Variants in PGS1 observed in about 807,000 individuals in gnomAD.
PGS1 encodes CDP-diacylglycerol--glycerol-3-phosphate 3-phosphatidyltransferase, mitochondrial.
Under a neutral mutation model 58.3 loss-of-function variants are expected in PGS1, and 44 were observed. The ratio of observed to expected loss-of-function variants is 0.75; its 90% CI spans 0.59 to 0.97. The LOEUF is 0.97. Among genes scored for constraint, PGS1 ranks in the 50% least tolerant of loss-of-function variants. The pLI, the probability that PGS1 is intolerant of heterozygous loss-of-function variation, is 0.00. For missense variants in PGS1, 684 were observed against 731.1 expected (o/e 0.94, Z 0.74); for synonymous variants, 330 against 311.0 (o/e 1.06, Z -0.64).
At chr17:78,422,898 C>G (rs2086013877) in intron 9 of PGS1, among the ~76,000 whole-genome samples, 1 of 152,080 alleles carries the variant, frequency 6.6e-6, no homozygotes, top group Non-Finnish European at 1.5e-5. Flanking sequence ...AAGTTTGAGA[C>G]CAGCCTGGCC....
chr17:78,423,936 C>T (rs566746938), intron 9 of PGS1, 125 bp from the exon 10 acceptor site: 4 of 1,613,994 alleles, frequency 2.5e-6, no homozygotes, highest in South Asian at 2.2e-5. Flanking sequence ...CCACGGCTGC[C>T]AGGATCCACT....
chr17:78,383,466 T>C (rs774989270), intron 1 of PGS1, among the ~76,000 whole-genome samples: 3 of 152,156 alleles, frequency 2.0e-5, no homozygotes, highest in Non-Finnish European at 4.4e-5. Context: ...CCTCAGGTGG[T>C]CCGCCCACCT....
chr17:78,422,659 G>A (rs72903315), intron 9 of PGS1, among the ~76,000 whole-genome samples: 23,546 of 151,966 alleles, frequency 0.15, 1,945 homozygotes, highest in Middle Eastern at 0.19. Context: ...AACATTCCCA[G>A]CTAATTTTTT....
chr17:78,413,956 A>G (rs548663007), intron 7 of PGS1, among the ~76,000 whole-genome samples: 5 of 152,280 alleles, frequency 3.3e-5, no homozygotes, highest in South Asian at 4.1e-4. Flanking sequence ...TTTTTCTCCA[A>G]CTGTGATACT....
intron 6 of PGS1, among the ~76,000 whole-genome samples, chr17:78,402,739 C>T (rs552429407): frequency 9.8e-5 from 15 of 152,334 alleles, no homozygotes; most frequent in Non-Finnish European, 2.2e-4. Context: ...AGGCGTGAGC[C>T]ACTGTGCCCG....
In PGS1 at chr17:78,392,542, C is replaced by CT. The variant is rs1438539170; in HGVS notation, c.211dup (p.Cys71LeufsTer28). The CT allele has an allele frequency of 1.2e-6, 2 of 1,614,162 alleles. No homozygotes were observed. Among genetic ancestry groups the CT allele is most frequent in the Admixed American group, 3.3e-5 (2 of 60,024 alleles). ...TTCCCCAGGTCACCTCCCCACCTTG[C>CT]TGCCTGTGTCCAGAAGGCGTGCACC... On this transcript the variant is annotated frameshift_variant, in exon 2 of 10. Transcript: ENST00000262764. LOFTEE classifies it high-confidence loss of function.
chr17:78,392,415 G>A (rs1346173303), intron 1 of PGS1, 61 bp from the exon 2 acceptor site: 7 of 1,242,128 alleles, frequency 5.6e-6, no homozygotes, highest in South Asian at 1.5e-5. Flanking sequence ...ACTGAGGGGG[G>A]CTTCTGCAGA....
intron 1 of PGS1, among the ~76,000 whole-genome samples, chr17:78,384,679 G>C (rs982849452): frequency 3.9e-5 from 6 of 152,134 alleles, no homozygotes; most frequent in African/African-American, 1.2e-4. Context: ...TATGGAGAGC[G>C]CAACTTCTGC....
chr17:78,393,643 G>A (rs2082999886), intron 2 of PGS1, among the ~76,000 whole-genome samples: 1 of 152,188 alleles, frequency 6.6e-6, no homozygotes, highest in South Asian at 2.1e-4. Flanking sequence ...AAGTAACTGG[G>A]AATCTAGACA....
At chr17:78,409,161 A>C (rs2084412079) in intron 7 of PGS1, among the ~76,000 whole-genome samples, 1 of 152,232 alleles carries the variant, frequency 6.6e-6, no homozygotes, top group African/African-American at 2.4e-5. Context: ...TCCCATTATC[A>C]CATTCAGGCA....
intron 9 of PGS1, among the ~76,000 whole-genome samples, chr17:78,423,093 T>C (rs917111258): frequency 7.4e-5 from 8 of 108,250 alleles, no homozygotes; most frequent in African/African-American, 2.5e-4. Context: ...AGTGAAACTC[T>C]CACTCTCCCT....
In PGS1 at chr17:78,399,892, C is replaced by T. The variant is rs1419289025; in HGVS notation, c.701+355C>T. On this transcript the variant is annotated intron_variant, in intron 5 of 9. Transcript: ENST00000262764. ...AGGTAGACAGAGCCAGAAAAATAAA[C>T]AAGAGTCAGACCTGGAAGTCCAGGT... 2.0e-5 allele frequency: 6 copies of T among 300,572 alleles called. No homozygotes were observed. The Admixed American group carries it at 2.7e-4, about 14-fold the overall frequency. The allele number at this position is 300,572 out of a possible 1,614,324, so 18.6% of individuals were successfully genotyped here.
rs1055541386 is a variant in PGS1 at position 78,378,767 on chromosome 17, G to T, written c.102G>T (p.Leu34=). ...RPGLAALLGR[L]SDRLGRNRDR... The stretch of plus-strand genomic sequence containing the variant: ...GGCTGGCCGCGCTCCTGGGACGCCT[G>T]TCCGACCGCCTCGGCAGGAACCGGG... The change falls in exon 1 of 10, where the codon CTG becomes CTT. Residue 34 remains leucine (L), a synonymous_variant. Coordinates refer to ENST00000262764, the MANE Select transcript of PGS1 (RefSeq NM_024419.5). 18 of 1,494,128 alleles carry T rather than the reference G, an allele frequency of 1.2e-5. No homozygotes were observed. The East Asian group carries it at 5.1e-4, about 43-fold the overall frequency. The allele number at this position is 1,494,128 out of a possible 1,614,324, so 92.6% of individuals were successfully genotyped here.
At chr17:78,387,362 C>T (rs1470069506) in intron 1 of PGS1, among the ~76,000 whole-genome samples, 6 of 146,156 alleles carry the variant, frequency 4.1e-5, no homozygotes, top group South Asian at 4.3e-4. Context: ...CACAGTGGCG[C>T]GATCTGGGCT....
At chr17:78,413,182 C>A (rs964115866) in intron 7 of PGS1, among the ~76,000 whole-genome samples, 3 of 152,294 alleles carry the variant, frequency 2.0e-5, no homozygotes, top group Non-Finnish European at 4.4e-5. Context: ...GGGGTGGAGA[C>A]GAGCCCATTA....
At position 78,378,819 on chromosome 17, in the gene PGS1, C is replaced by T. The variant is rs1236675863; in HGVS notation, c.143+11C>T. On this transcript the variant is annotated intron_variant, in intron 1 of 9. Transcript: ENST00000262764. ...CCGCCAGCGCAGGAGGTGAGAGGGG[C>T]GGCCGGGATGAGAGTGCAGCCCTCG... 8.3e-6 allele frequency: 12 copies of T among 1,437,672 alleles called. No individual in the cohort carries two copies. Among genetic ancestry groups the T allele is most frequent in the African/African-American group, 1.5e-5 (1 of 67,132 alleles). 89.1% of individuals were successfully genotyped at this position (1,437,672 alleles called of 1,614,324 possible). A position where few individuals can be genotyped will look rare whatever the true frequency, so the allele number is the denominator to read the frequency against.
chr17:78,395,353 T>C lies in PGS1; in HGVS notation c.334-955T>C, dbSNP rs79227551. Among the ~76,000 whole-genome samples the C allele has an allele frequency of 3.3e-3, 508 of 152,326 alleles. 6 individuals are homozygous for C. The highest frequency in any genetic ancestry group is 0.012 in the African/African-American group (479 of 41,574). ...TAGCAACCTTGGGAAGTTGCTTTGT[T>C]TTTTCCTTGTCCGGAAGCCTTTCCT... On this transcript the variant is annotated intron_variant, in intron 2 of 9. Coordinates refer to ENST00000262764, the MANE Select transcript of PGS1 (RefSeq NM_024419.5).
At chr17:78,383,669 T>C (rs923399832) in intron 1 of PGS1, among the ~76,000 whole-genome samples, 26 of 152,256 alleles carry the variant, frequency 1.7e-4, no homozygotes, top group Non-Finnish European at 1.0e-4. Context: ...GAGTTTAGTA[T>C]AACCATCTCT....
chr17:78,407,837 G>A (rs1313546609), intron 7 of PGS1, among the ~76,000 whole-genome samples: 4 of 152,246 alleles, frequency 2.6e-5, no homozygotes, highest in South Asian at 2.1e-4. Flanking sequence ...GAAGAGCAGC[G>A]TGGGGGGAAG....
Sources: allele counts gnomAD v4.1 joint callset (sites outside exome capture counted in the v4.1 genomes callset), GRCh38; gene constraint gnomAD v4.1.1; transcripts MANE v1.5; gene names NCBI Gene and HGNC (gene_info 2026-07-23, HGNC 2026-07-21).